The following ATP2C2 variants were observed in gnomAD, a reference collection of about 807,000 sequenced individuals.
The protein encoded by ATP2C2 is ATPase secretory pathway Ca2+ transporting 2, also known as calcium-transporting ATPase type 2C member 2.
A neutral mutation model predicts 110.8 loss-of-function variants in ATP2C2; 171 were observed. That is an observed-to-expected ratio of 1.54 (90% CI 1.36 to 1.75). The LOEUF is 1.75. Ranked by LOEUF, ATP2C2 falls within the 40% of genes most tolerant of loss-of-function variation. The pLI, the probability that ATP2C2 is intolerant of heterozygous loss-of-function variation, is 0.00. For missense variants in ATP2C2, 1,963 were observed against 1,235.0 expected, an observed-to-expected ratio of 1.59 and a Z score of -8.84; for synonymous variants, 804 against 508.4, an observed-to-expected ratio of 1.58 and a Z score of -7.82.
At chr16:84,424,508 T>C (rs247803) in intron 10 of ATP2C2, among the ~76,000 whole-genome samples, 151,340 of 151,362 alleles carry the variant, frequency 1, 75,659 homozygotes, top group Middle Eastern at 1. Context: ...AAACTCCTGG[T>C]CTCAAGTGAT....
chr16:84,426,070 T>C (rs186717502), intron 11 of ATP2C2: 16 of 437,512 alleles, frequency 3.7e-5, no homozygotes, highest in Non-Finnish European at 6.2e-5. Flanking sequence ...AAAAAATACC[T>C]GAGGCTTGGT....
chr16:84,415,646 C>A, intron 7 of ATP2C2, 55 bp downstream of exon 7: 1 of 1,433,886 alleles, frequency 7.0e-7, no homozygotes, highest in Non-Finnish European at 9.6e-7. Context: ...GGTCAAGGAG[C>A]AGACACTTAG....
At chr16:84,456,579 TTATC>T (rs1910806865) in intron 21 of ATP2C2, among the ~76,000 whole-genome samples, 1 of 117,298 alleles carries the variant, frequency 8.5e-6, no homozygotes, top group Admixed American at 9.6e-5. Context: ...ACATGATTGT[TTATC>T]TAGAAAACCC....
chr16:84,384,570 G>A (rs1904296896), intron 1 of ATP2C2, among the ~76,000 whole-genome samples: 1 of 152,158 alleles, frequency 6.6e-6, no homozygotes, highest in Non-Finnish European at 1.5e-5. Flanking sequence ...TTTCTCCCTT[G>A]TAATGATTAA....
intron 15 of ATP2C2, among the ~76,000 whole-genome samples, chr16:84,444,950 A>AT (rs1347109894): frequency 6.6e-6 from 1 of 152,116 alleles, no homozygotes; most frequent in Non-Finnish European, 1.5e-5. Flanking sequence ...TTGCTCCTGG[A>AT]TTAGGGTCTT....
chr16:84,447,187 C>G (rs556934886), intron 16 of ATP2C2, among the ~76,000 whole-genome samples: 1 of 152,180 alleles, frequency 6.6e-6, no homozygotes, highest in African/African-American at 2.4e-5. Flanking sequence ...TGTCTGCCCA[C>G]GCAGACTGCT....
intron 1 of ATP2C2, among the ~76,000 whole-genome samples, chr16:84,387,967 C>T (rs984643108): frequency 4.0e-5 from 6 of 151,138 alleles, no homozygotes; most frequent in Admixed American, 4.0e-4. Flanking sequence ...GCTTGTGGAG[C>T]CCTGATGGCC....
chr16:84,403,343 T>C (rs1363586438), intron 2 of ATP2C2, among the ~76,000 whole-genome samples: 1 of 152,236 alleles, frequency 6.6e-6, no homozygotes, highest in Non-Finnish European at 1.5e-5. Flanking sequence ...TCTCATTCTG[T>C]TGCCCAGGCT....
chr16:84,373,467 TC>T (rs1298674100), intron 1 of ATP2C2, among the ~76,000 whole-genome samples: 1 of 152,054 alleles, frequency 6.6e-6, no homozygotes, highest in East Asian at 1.9e-4. Context: ...GCCACTACAC[TC>T]CAGCCTGGGT....
At chr16:84,453,983 G>A (rs530940570) in intron 20 of ATP2C2, among the ~76,000 whole-genome samples, 16 of 152,186 alleles carry the variant, frequency 1.1e-4, no homozygotes, top group South Asian at 2.1e-4. Flanking sequence ...CTGGGATTGC[G>A]GTGTGCACCA....
chr16:84,445,814 C>A (rs998892150), intron 15 of ATP2C2, among the ~76,000 whole-genome samples: 9 of 152,222 alleles, frequency 5.9e-5, no homozygotes, highest in Admixed American at 1.3e-4. Context: ...ATTTTCACCC[C>A]CTGTGGGACA....
At chr16:84,419,529 G>T (rs1907141248) in intron 7 of ATP2C2, among the ~76,000 whole-genome samples, 1 of 152,168 alleles carries the variant, frequency 6.6e-6, no homozygotes, top group Admixed American at 6.5e-5. Flanking sequence ...CCACATCAGA[G>T]AACACATTCC....
At chr16:84,443,866 T>C (rs1472083007) in intron 15 of ATP2C2, among the ~76,000 whole-genome samples, 2 of 152,134 alleles carry the variant, frequency 1.3e-5, no homozygotes, top group Non-Finnish European at 2.9e-5. Context: ...TTTTCCCCAG[T>C]GTAAGAACAT....
intron 1 of ATP2C2, among the ~76,000 whole-genome samples, chr16:84,370,619 T>A (rs1223435604): frequency 6.6e-6 from 1 of 151,944 alleles, no homozygotes; most frequent in Admixed American, 6.5e-5. Flanking sequence ...TCTCCCAGGG[T>A]TTGGAAAGGA....
intron 3 of ATP2C2, among the ~76,000 whole-genome samples, chr16:84,405,655 C>T (rs909811615): frequency 5.3e-5 from 8 of 152,244 alleles, no homozygotes; most frequent in East Asian, 1.9e-4. Context: ...CGTGGTGGCT[C>T]GTGCCTGTAA....
At chr16:84,422,855 G>A (rs757789081) in intron 9 of ATP2C2, among the ~76,000 whole-genome samples, 158 bp downstream of exon 9, 1 of 151,834 alleles carries the variant, frequency 6.6e-6, no homozygotes, top group Admixed American at 6.6e-5. Context: ...AATAGAGACA[G>A]GGTTTCGCCA....
intron 11 of ATP2C2, among the ~76,000 whole-genome samples, chr16:84,432,625 A>T (rs1908383797): frequency 6.6e-6 from 1 of 152,028 alleles, no homozygotes; most frequent in Admixed American, 6.6e-5. Context: ...GGTTCAAACT[A>T]TTCTCCTGCC....
At chr16:84,424,004 G>T (rs111818688) in intron 10 of ATP2C2, among the ~76,000 whole-genome samples, 3 of 152,130 alleles carry the variant, frequency 2.0e-5, no homozygotes, top group Non-Finnish European at 2.9e-5. Context: ...CCTTACTTCT[G>T]TGTCCTTTAT....
intron 2 of ATP2C2, among the ~76,000 whole-genome samples, chr16:84,403,582 A>G (rs1905489147): frequency 6.6e-6 from 1 of 152,224 alleles, no homozygotes; most frequent in African/African-American, 2.4e-5. Flanking sequence ...TTTTGGGATT[A>G]CAGGTATGAG....
Sources: allele counts gnomAD v4.1 joint callset (sites outside exome capture counted in the v4.1 genomes callset), GRCh38; gene constraint gnomAD v4.1.1; transcripts MANE v1.5; gene names NCBI Gene and HGNC (gene_info 2026-07-23, HGNC 2026-07-21).